Variants in RNLS observed in about 807,000 individuals in gnomAD.
RNLS encodes renalase, FAD dependent amine oxidase, also known as renalase.
RNLS carries 39 observed loss-of-function variants against 39.8 expected under a neutral mutation model. The ratio of observed to expected loss-of-function variants is 0.98; its 90% confidence interval spans 0.76 to 1.28. The LOEUF (loss-of-function observed/expected upper bound fraction) is 1.28, where lower values mean the gene tolerates loss of function less well. Ranked by LOEUF, RNLS falls within the 50% of genes most tolerant of loss-of-function variation. The probability of loss-of-function intolerance (pLI) is 0.00; values close to 1 mark genes in which losing one functional copy is unlikely to be tolerated. For missense variants in RNLS, 410 were observed against 413.3 expected (o/e 0.99, Z 0.07); for synonymous variants, 147 against 150.7 (o/e 0.98, Z 0.18).
chr10:88,176,719 C>T, the RNLS span, among the ~76,000 whole-genome samples: 23 of 151,318 alleles, frequency 1.5e-4, no homozygotes, highest in Admixed American at 1.1e-3. Context: ...TGTTTTTTTT[C>T]TGTTTCTGTA....
At chr10:88,199,420 T>C in the RNLS span, among the ~76,000 whole-genome samples, 1 of 152,168 alleles carries the variant, frequency 6.6e-6, no homozygotes, top group East Asian at 1.9e-4. Flanking sequence ...CTGTAGGATG[T>C]TTAGCAGCAA....
At chr10:88,360,678 C>T (rs1191355527) in intron 5 of RNLS, among the ~76,000 whole-genome samples, 1 of 152,088 alleles carries the variant, frequency 6.6e-6, no homozygotes, top group African/African-American at 2.4e-5. Context: ...CCTCTTGATC[C>T]ACCCACCTTG....
chr10:88,199,148 G>A, the RNLS span, among the ~76,000 whole-genome samples: 2 of 152,146 alleles, frequency 1.3e-5, no homozygotes, highest in African/African-American at 4.8e-5. Flanking sequence ...GAAGAGAAGT[G>A]GTTAGGGGTT....
At chr10:88,222,632 G>T in the RNLS span, among the ~76,000 whole-genome samples, 2 of 152,054 alleles carry the variant, frequency 1.3e-5, no homozygotes, top group Non-Finnish European at 1.5e-5. Flanking sequence ...CCTACACAAC[G>T]CCTGATGAAC....
chr10:88,402,142 T>C (rs1318247854), intron 4 of RNLS, among the ~76,000 whole-genome samples: 2 of 152,008 alleles, frequency 1.3e-5, no homozygotes, highest in Non-Finnish European at 2.9e-5. Flanking sequence ...TCTAGAGTTC[T>C]GAATCAAAAA....
At chr10:88,416,619 ATG>A (rs1442262975) in intron 4 of RNLS, among the ~76,000 whole-genome samples, 1 of 152,120 alleles carries the variant, frequency 6.6e-6, no homozygotes, top group Non-Finnish European at 1.5e-5. Context: ...TTATTTTTAT[ATG>A]TGTTTCTTTC....
intron 5 of RNLS, among the ~76,000 whole-genome samples, chr10:88,349,292 T>C (rs1848513325): frequency 6.6e-6 from 1 of 152,168 alleles, no homozygotes; most frequent in East Asian, 1.9e-4. Context: ...CTGAGTTAAG[T>C]TGCTTTGCAA....
At chr10:88,342,059 T>C (rs1847996243) in intron 5 of RNLS, among the ~76,000 whole-genome samples, 1 of 152,224 alleles carries the variant, frequency 6.6e-6, no homozygotes, top group South Asian at 2.1e-4. Context: ...CTTTTAATAC[T>C]TTTTTGGTCA....
intron 4 of RNLS, among the ~76,000 whole-genome samples, chr10:88,568,793 G>C (rs1303215584): frequency 4.6e-5 from 7 of 152,180 alleles, no homozygotes; most frequent in Non-Finnish European, 1.0e-4. Flanking sequence ...TACAAGGCGA[G>C]TCACTTTTTG....
At chr10:88,318,488 A>T (rs761828028) in intron 5 of RNLS, among the ~76,000 whole-genome samples, 4 of 152,198 alleles carry the variant, frequency 2.6e-5, no homozygotes, top group Non-Finnish European at 4.4e-5. Context: ...ACCTGGAGAA[A>T]GCACTTATCA....
chr10:88,478,088 C>T (rs1309465212), intron 4 of RNLS, among the ~76,000 whole-genome samples: 2 of 152,204 alleles, frequency 1.3e-5, no homozygotes, highest in Non-Finnish European at 2.9e-5. Context: ...TCAGGACCTA[C>T]TGTGGATTGA....
chr10:88,430,446 C>T (rs1364619518), intron 4 of RNLS, among the ~76,000 whole-genome samples: 1 of 151,744 alleles, frequency 6.6e-6, no homozygotes, highest in Admixed American at 6.6e-5. Context: ...ATAGAGACAG[C>T]TTTACATCTT....
At chr10:88,379,059 C>T (rs1331769936) in intron 4 of RNLS, among the ~76,000 whole-genome samples, 5 of 152,260 alleles carry the variant, frequency 3.3e-5, no homozygotes, top group Middle Eastern at 3.4e-3. Flanking sequence ...AGCAGCATCA[C>T]CACAAACATA....
chr10:88,305,714 T>C (rs966393443), intron 6 of RNLS, among the ~76,000 whole-genome samples: 3 of 152,116 alleles, frequency 2.0e-5, no homozygotes, highest in Non-Finnish European at 4.4e-5. Flanking sequence ...ACTTAGACTC[T>C]GACACAATAA....
chr10:88,398,205 C>T (rs979033668), intron 4 of RNLS, among the ~76,000 whole-genome samples: 1 of 152,040 alleles, frequency 6.6e-6, no homozygotes, highest in Non-Finnish European at 1.5e-5. Context: ...CCAGGATCAA[C>T]AAGAGGCAGA....
downstream of RNLS, among the ~76,000 whole-genome samples, chr10:88,270,944 G>A (rs1034520348): frequency 1.6e-4 from 24 of 152,198 alleles, no homozygotes; most frequent in African/African-American, 5.5e-4. Flanking sequence ...CCAGGCTCTC[G>A]CAGGCTGAGG....
At chr10:88,490,398 T>C (rs991359573) in intron 4 of RNLS, among the ~76,000 whole-genome samples, 1 of 152,166 alleles carries the variant, frequency 6.6e-6, no homozygotes, top group Non-Finnish European at 1.5e-5. Flanking sequence ...TTTTAAGCTC[T>C]AAACATAAAA....
intron 4 of RNLS, among the ~76,000 whole-genome samples, chr10:88,514,763 A>G (rs897271627): frequency 2.0e-5 from 3 of 152,030 alleles, no homozygotes; most frequent in Admixed American, 2.0e-4. Flanking sequence ...TTTTAACACC[A>G]AATAATATTA....
At chr10:88,295,261 A>C (rs1201524017) in intron 6 of RNLS, among the ~76,000 whole-genome samples, 2 of 152,118 alleles carry the variant, frequency 1.3e-5, no homozygotes, top group East Asian at 3.9e-4. Context: ...ATACCATTTA[A>C]TCTATTTTTA....
Sources: gnomAD v4.1 joint callset for allele counts (sites outside exome capture counted in the v4.1 genomes callset) on GRCh38, gnomAD v4.1.1 for gene constraint, MANE v1.5 for transcripts, NCBI Gene and HGNC (gene_info 2026-07-23, HGNC 2026-07-21) for gene names.